Variants in CAB39L observed in about 807,000 individuals in gnomAD.
The protein encoded by CAB39L is calcium-binding protein 39-like.
A neutral mutation model predicts 39.1 loss-of-function variants in CAB39L; 23 were observed. The ratio of observed to expected loss-of-function variants is 0.59; its 90% CI spans 0.42 to 0.83. The LOEUF is 0.83. Among genes scored for constraint, CAB39L ranks in the 40% least tolerant of loss-of-function variants. The pLI, the probability that CAB39L is intolerant of heterozygous loss-of-function variation, is 0.00. For synonymous variants in CAB39L, 126 were observed against 137.2 expected, an observed-to-expected ratio of 0.92 and a Z score of 0.57; for missense variants, 366 against 391.9, an observed-to-expected ratio of 0.93 and a Z score of 0.56.
chr13:49,366,626 TAAAAAA>T (rs770961088), intron 5 of CAB39L, among the ~76,000 whole-genome samples: 10 of 62,314 alleles, frequency 1.6e-4, no homozygotes, highest in Admixed American at 1.4e-3. Context: ...AAACTCTGTC[TAAAAAA>T]AAAAAAAAAA....
At chr13:49,429,268 A>T (rs1259941837) in intron 3 of CAB39L, among the ~76,000 whole-genome samples, 2 of 152,028 alleles carry the variant, frequency 1.3e-5, no homozygotes, top group Non-Finnish European at 2.9e-5. Flanking sequence ...AATTTTTAAA[A>T]TTTTTTTAGA....
At chr13:49,343,298 G>A (rs1056751635) in intron 8 of CAB39L, among the ~76,000 whole-genome samples, 2 of 152,180 alleles carry the variant, frequency 1.3e-5, no homozygotes, top group Non-Finnish European at 2.9e-5. Flanking sequence ...CTGGTACTGT[G>A]CTGAAAACTT....
chr13:49,386,334 G>A (rs1032580157), intron 3 of CAB39L, among the ~76,000 whole-genome samples: 1 of 152,040 alleles, frequency 6.6e-6, no homozygotes, highest in African/African-American at 2.4e-5. Flanking sequence ...TCATCTGATG[G>A]TGGGTTTGTT....
intron 10 of CAB39L, among the ~76,000 whole-genome samples, chr13:49,313,923 A>G (rs188133140): frequency 1.4e-3 from 208 of 152,114 alleles, no homozygotes; most frequent in African/African-American, 4.7e-3. Flanking sequence ...GGGGAAGGAG[A>G]AAACTACCCT....
At position 49,309,030 on chromosome 13, in the gene CAB39L, C is replaced by T. The variant is rs1953914023; in HGVS notation, c.*1784G>A. The stretch of plus-strand genomic sequence containing the variant: ...TGGAACAGTATTAAGTAACCAAATA[C>T]AATTCCAATGGTTATTTCACCTTCA... On this transcript the variant is annotated 3_prime_UTR_variant, in exon 11 of 11. Coordinates refer to ENST00000409308, the MANE Select transcript of CAB39L (RefSeq NM_001079670.3). 6.6e-6 allele frequency: 1 copy of T among 152,218 alleles called. No homozygotes were observed. The highest frequency in any genetic ancestry group is 2.4e-5 in the African/African-American group (1 of 41,472). 9.4% of individuals were successfully genotyped at this position (152,218 alleles called of 1,614,324 possible). A position where few individuals can be genotyped will look rare whatever the true frequency, so the allele number is the denominator to read the frequency against.
chr13:49,347,641 T>A lies in CAB39L; in HGVS notation c.564+3103A>T, dbSNP rs79478037. On this transcript the variant is annotated intron_variant, in intron 7 of 10. Coordinates refer to ENST00000409308, the MANE Select transcript of CAB39L (RefSeq NM_001079670.3). ...AAATGGAATCATCCTTTGTATTTAA[T>A]GTCATTCTTCATGTTGGATGCAACC... is the stretch of plus-strand genomic sequence containing the variant. 5.1e-3 allele frequency among the ~76,000 whole-genome samples: 783 copies of A among 152,324 alleles called. 5 individuals are homozygous for A. Among genetic ancestry groups the A allele is most frequent in the African/African-American group, 0.018 (749 of 41,570 alleles).
intron 4 of CAB39L, among the ~76,000 whole-genome samples, chr13:49,378,936 G>A (rs1242435389): frequency 5.0e-4 from 9 of 18,050 alleles, no homozygotes; most frequent in Non-Finnish European, 1.0e-3. Context: ...CCGTCCGGGA[G>A]GTGAGGGGCG....
intron 10 of CAB39L, among the ~76,000 whole-genome samples, chr13:49,329,544 A>AATATATAT (rs1179579885): frequency 5.9e-5 from 2 of 33,834 alleles, no homozygotes; most frequent in Non-Finnish European, 9.9e-5. Context: ...TAAAAAAAAA[A>AATATATAT]ATATATATAT....
At chr13:49,355,574 C>T (rs981754494) in intron 6 of CAB39L, among the ~76,000 whole-genome samples, 2 of 151,892 alleles carry the variant, frequency 1.3e-5, no homozygotes, top group African/African-American at 4.8e-5. Context: ...TGGCATATCT[C>T]GTTACACCAG....
intron 1 of CAB39L, 72 bp from the exon 2 acceptor site, chr13:49,434,295 C>G (rs956538548): frequency 3.8e-5 from 15 of 392,332 alleles, no homozygotes; most frequent in Non-Finnish European, 6.0e-5. Context: ...CAATCTTCTA[C>G]TTAGTAACTG....
rs74074083 is a variant in CAB39L at position 49,438,985 on chromosome 13, C to T, written c.-245-4762G>A. 7.3e-3 allele frequency among the ~76,000 whole-genome samples: 1,116 copies of T among 152,266 alleles called. 12 individuals carry two copies. The highest frequency in any genetic ancestry group is 0.025 in the African/African-American group (1,042 of 41,542). The stretch of plus-strand genomic sequence containing the variant: ...TATATTCAGTGTTACATAAACATCA[C>T]CACTATCCTTGGGCTTACATTTGGG... On this transcript the variant is annotated intron_variant, in intron 1 of 10. Transcript: ENST00000409308.
intron 3 of CAB39L, among the ~76,000 whole-genome samples, chr13:49,404,923 C>A (rs528847934): frequency 6.6e-6 from 1 of 152,226 alleles, no homozygotes; most frequent in East Asian, 1.9e-4. Flanking sequence ...AGCATGCCTA[C>A]AGGATCTAGA....
At chr13:49,312,417 A>G (rs767413444) in intron 10 of CAB39L, among the ~76,000 whole-genome samples, 2 of 152,106 alleles carry the variant, frequency 1.3e-5, no homozygotes, top group Admixed American at 6.5e-5. Flanking sequence ...CTTTTATGCC[A>G]TCTTGTTACT....
chr13:49,352,908 T>C (rs909726136), intron 6 of CAB39L, among the ~76,000 whole-genome samples: 1 of 152,198 alleles, frequency 6.6e-6, no homozygotes, highest in Non-Finnish European at 1.5e-5. Context: ...CAATAAGTAA[T>C]GTACTACTCT....
intron 10 of CAB39L, among the ~76,000 whole-genome samples, chr13:49,315,617 G>T (rs542362000): frequency 4.3e-4 from 66 of 152,166 alleles, no homozygotes; most frequent in Non-Finnish European, 7.4e-4. Flanking sequence ...ACTGGGTACG[G>T]TGGCTCACGT....
chr13:49,424,532 C>T (rs1307271678), intron 3 of CAB39L, among the ~76,000 whole-genome samples: 1 of 152,080 alleles, frequency 6.6e-6, no homozygotes, highest in Non-Finnish European at 1.5e-5. Flanking sequence ...AAAACCAAGA[C>T]AATTTGAACA....
chr13:49,400,333 A>G (rs1479176996), intron 3 of CAB39L, among the ~76,000 whole-genome samples: 1 of 152,000 alleles, frequency 6.6e-6, no homozygotes, highest in Non-Finnish European at 1.5e-5. Context: ...GATATATATA[A>G]TTGGCATACA....
intron 6 of CAB39L, among the ~76,000 whole-genome samples, chr13:49,352,187 T>A (rs1392391331): frequency 1.3e-5 from 2 of 151,752 alleles, no homozygotes; most frequent in Non-Finnish European, 2.9e-5. Context: ...ACGTCTACTG[T>A]GGGAAACAAT....
At position 49,316,471 on chromosome 13, in the gene CAB39L, G is replaced by T. The variant is rs115716222; in HGVS notation, c.835-5478C>A. ...GAAATGGGAACACTTCCTAACTTATGATATGAGGCCAGTATTACCCAAATA... is the reference window on the plus strand; with the variant it reads ...GAAATGGGAACACTTCCTAACTTATTATATGAGGCCAGTATTACCCAAATA... On this transcript the variant is annotated intron_variant, in intron 10 of 10. Coordinates refer to ENST00000409308, the MANE Select transcript of CAB39L (RefSeq NM_001079670.3). Among the ~76,000 whole-genome samples the T allele has an allele frequency of 8.5e-3, 1,294 of 152,246 alleles. 23 individuals carry two copies. The highest frequency in any genetic ancestry group is 0.029 in the African/African-American group (1,213 of 41,534).
Sources: allele counts gnomAD v4.1 joint callset (sites outside exome capture counted in the v4.1 genomes callset), GRCh38; gene constraint gnomAD v4.1.1; transcripts MANE v1.5; gene names NCBI Gene and HGNC (gene_info 2026-07-23, HGNC 2026-07-21).